ATP8B4: variants seen among roughly 807,000 people sequenced by gnomAD.
ATP8B4 encodes probable phospholipid-transporting ATPase IM.
Under a neutral mutation model 145.6 loss-of-function variants are expected in ATP8B4, and 133 were observed. The ratio of observed to expected loss-of-function variants is 0.91; its 90% CI spans 0.79 to 1.05. The LOEUF is 1.05. Among genes scored for constraint, ATP8B4 ranks in the 50% least tolerant of loss-of-function variants. The pLI is 0.00. For missense variants in ATP8B4, 1,458 were observed against 1,425.2 expected (o/e 1.02, Z -0.37); for synonymous variants, 507 against 492.9 (o/e 1.03, Z -0.38).
chr15:49,900,125 A>G (rs1001668290), intron 21 of ATP8B4, among the ~76,000 whole-genome samples: 1 of 152,202 alleles, frequency 6.6e-6, no homozygotes. Context: ...TCTTCTGTGC[A>G]TAAAGGAATT....
intron 23 of ATP8B4, among the ~76,000 whole-genome samples, chr15:49,888,782 A>C (rs2036486726): frequency 6.6e-6 from 1 of 152,210 alleles, no homozygotes; most frequent in Non-Finnish European, 1.5e-5. Context: ...CCTTTATCCA[A>C]ACCTCTCTGT....
At chr15:50,053,020 G>A (rs745740214) in intron 3 of ATP8B4, among the ~76,000 whole-genome samples, 2 of 152,078 alleles carry the variant, frequency 1.3e-5, no homozygotes, top group Non-Finnish European at 2.9e-5. Context: ...TGAAAAGAGC[G>A]ATGAGGAGGT....
intron 3 of ATP8B4, among the ~76,000 whole-genome samples, chr15:50,073,011 T>TAC (rs1258285953): frequency 1.8e-4 from 8 of 44,790 alleles, no homozygotes; most frequent in African/African-American, 8.4e-4. Flanking sequence ...TATATATATA[T>TAC]ATATATATAC....
chr15:50,051,491 C>A (rs188146483), intron 3 of ATP8B4, among the ~76,000 whole-genome samples: 10 of 152,228 alleles, frequency 6.6e-5, no homozygotes, highest in Admixed American at 6.5e-4. Context: ...CTTAGTTGGT[C>A]TGATGCACAT....
chr15:50,116,415 G>A (rs182939096), intron 1 of ATP8B4, among the ~76,000 whole-genome samples: 1 of 152,220 alleles, frequency 6.6e-6, no homozygotes, highest in East Asian at 1.9e-4. Flanking sequence ...AGGTGGAGGG[G>A]CAGAAGAAGG....
chr15:49,867,563 T>C (rs1309169892), intron 25 of ATP8B4, among the ~76,000 whole-genome samples: 1 of 152,086 alleles, frequency 6.6e-6, no homozygotes, highest in Admixed American at 6.6e-5. Flanking sequence ...CACCAAAATC[T>C]CCAACTTTAC....
At chr15:50,033,609 A>G (rs1035591912) in intron 6 of ATP8B4, among the ~76,000 whole-genome samples, 4 of 152,190 alleles carry the variant, frequency 2.6e-5, no homozygotes, top group African/African-American at 9.7e-5. Flanking sequence ...GGATCGTTAC[A>G]TGGGAATATT....
At position 49,897,470 on chromosome 15, in the gene ATP8B4, G is replaced by C. The variant is rs757776554; in HGVS notation, c.2519C>G (p.Ala840Gly). The C allele has an allele frequency of 3.1e-6, 5 of 1,588,486 alleles. No individual in the cohort carries two copies. The highest frequency in any genetic ancestry group is 2.3e-5 in the South Asian group (2 of 86,570). ...VGISGQEGLQ[A>G]VLASDYSFAQ... ...AAATGAATAGTCGCTGGCTAAGACT[G>C]CTTGCAATCCTTCCTGGCCGCTGAT... Residue 840 changes from alanine (A) to glycine (G), a missense_variant, in exon 23 of 28, where the codon GCA (alanine) becomes GGA (glycine). Transcript: ENST00000284509.
At position 49,989,860 on chromosome 15, in the gene ATP8B4, G is replaced by A. The variant is rs528675915; in HGVS notation, c.590-2311C>T. On this transcript the variant is annotated intron_variant, in intron 9 of 27. Coordinates refer to ENST00000284509, the MANE Select transcript of ATP8B4 (RefSeq NM_024837.4). ...TTTTGTACCACTTTCGAAAAGGGAT[G>A]AACAGATTCCTTTGAAGGGAGCACT... is the stretch of plus-strand genomic sequence containing the variant. Among the ~76,000 whole-genome samples, 12 of 152,250 alleles carry A rather than the reference G, an allele frequency of 7.9e-5. No homozygotes were observed. The South Asian group carries it at 2.5e-3, about 32-fold the overall frequency.
intron 6 of ATP8B4, among the ~76,000 whole-genome samples, chr15:50,029,965 A>G (rs2050310104): frequency 6.6e-6 from 1 of 152,212 alleles, no homozygotes; most frequent in African/African-American, 2.4e-5. Flanking sequence ...TGTAGTAAAA[A>G]TTTGCTGGGA....
intron 14 of ATP8B4, among the ~76,000 whole-genome samples, chr15:49,955,105 A>C (rs75877282): frequency 0.06 from 9,132 of 152,236 alleles, 947 homozygotes; most frequent in African/African-American, 0.21. Context: ...CTCACTTATA[A>C]GTGGAAGCTA....
chr15:50,047,473 G>A lies in ATP8B4; in HGVS notation c.88-9C>T, dbSNP rs756271055. Reference sequence around the variant, plus strand: ...GTGTGGATACGATTATCCTGGAAAAGAAATAGCATCATGTTAGTTTGGGGC... The same window carrying A: ...GTGTGGATACGATTATCCTGGAAAAAAAATAGCATCATGTTAGTTTGGGGC... On this transcript the variant is annotated splice_polypyrimidine_tract_variant and intron_variant, in intron 3 of 27. Transcript: ENST00000284509. 4 of 1,480,894 alleles carry A rather than the reference G, an allele frequency of 2.7e-6. No homozygotes were observed. Among genetic ancestry groups the A allele is most frequent in the Non-Finnish European group, 3.8e-6 (4 of 1,059,344 alleles). The allele number at this position is 1,480,894 out of a possible 1,614,324, so 91.7% of individuals were successfully genotyped here.
intron 1 of ATP8B4, among the ~76,000 whole-genome samples, chr15:50,176,013 G>A (rs1648345): frequency 0.76 from 114,560 of 151,654 alleles, 44,932 homozygotes; most frequent in East Asian, 0.94. Context: ...CATATGTATC[G>A]CAGTATATAT....
intron 20 of ATP8B4, among the ~76,000 whole-genome samples, chr15:49,909,096 G>A (rs1012417648): frequency 2.0e-5 from 3 of 152,034 alleles, no homozygotes; most frequent in Non-Finnish European, 2.9e-5. Flanking sequence ...CGGGGAGAAG[G>A]GGAACATACA....
Position 49,866,426 on chromosome 15 carries a change from A to G in ATP8B4, c.3086T>C (p.Ile1029Thr), listed in dbSNP as rs553389641. Residue 1029 changes from isoleucine to threonine, a missense_variant, in exon 26 of 28, where the codon ATT becomes ACT. By Grantham distance (89) the Ile-to-Thr change is moderately conservative (BLOSUM62 -1). Transcript: ENST00000284509. ...FINHVFIWGS[I>T]AIYFSILFTM... The stretch of plus-strand genomic sequence containing the variant: ...AAATAAAATGGAGAAATAAATGGCA[A>G]TGCTCCCCCAGATGAAGACGTGATT... 9 of 1,613,634 alleles carry G rather than the reference A, an allele frequency of 5.6e-6. No homozygotes were observed. In the Admixed American group the frequency reaches 1.2e-4, roughly 21 times the overall value.
intron 23 of ATP8B4, among the ~76,000 whole-genome samples, chr15:49,888,015 C>A (rs2036396907): frequency 1.3e-5 from 2 of 152,178 alleles, no homozygotes; most frequent in African/African-American, 4.8e-5. Context: ...CTATGTGTTG[C>A]AGAGGAAACC....
At chr15:50,084,670 G>A (rs1267090422) in intron 2 of ATP8B4, among the ~76,000 whole-genome samples, 2 of 152,130 alleles carry the variant, frequency 1.3e-5, no homozygotes, top group Non-Finnish European at 2.9e-5. Flanking sequence ...AGGTCTTACA[G>A]GGCTAAAATT....
intron 12 of ATP8B4, among the ~76,000 whole-genome samples, chr15:49,977,446 T>C (rs1391661149): frequency 6.6e-6 from 1 of 152,024 alleles, no homozygotes; most frequent in Non-Finnish European, 1.5e-5. Flanking sequence ...CTTCACTGAG[T>C]AATAAATCAT....
At position 49,915,177 on chromosome 15, in the gene ATP8B4, C is replaced by A. The variant is rs1024567286; in HGVS notation, c.2141+1757G>T. On this transcript the variant is annotated intron_variant, in intron 20 of 27. Coordinates refer to ENST00000284509, the MANE Select transcript of ATP8B4 (RefSeq NM_024837.4). Reference sequence around the variant, plus strand: ...CCATTTTAAGCAACATGAATGGAACCACGGGTTCCATGTTAAGTCAAATAA... The same window carrying A: ...CCATTTTAAGCAACATGAATGGAACAACGGGTTCCATGTTAAGTCAAATAA... 1.3e-4 allele frequency among the ~76,000 whole-genome samples: 20 copies of A among 151,972 alleles called. 1 individual carries two copies. The highest frequency in any genetic ancestry group is 7.9e-4 in the Admixed American group (12 of 15,256).
Sources: allele counts gnomAD v4.1 joint callset (sites outside exome capture counted in the v4.1 genomes callset), GRCh38; gene constraint gnomAD v4.1.1; transcripts MANE v1.5; gene names NCBI Gene and HGNC (gene_info 2026-07-23, HGNC 2026-07-21).